Variants in CTNNA2 observed in about 807,000 individuals in gnomAD.
CTNNA2 encodes catenin alpha 2.
Under a neutral mutation model 101.0 loss-of-function variants are expected in CTNNA2, and 42 were observed. That is an observed-to-expected ratio of 0.42 (90% CI 0.32 to 0.54). CTNNA2 has a LOEUF of 0.54. Ranked by LOEUF, CTNNA2 falls within the 20% of genes least tolerant of loss-of-function variation. The probability of loss-of-function intolerance (pLI) is 0.14; values close to 1 mark genes in which losing one functional copy is unlikely to be tolerated. For missense variants in CTNNA2, 871 were observed against 1,223.1 expected (o/e 0.71, Z 4.29); for synonymous variants, 450 against 456.4 (o/e 0.99, Z 0.18).
chr2:79,260,729 C>T (rs929598957), intron 2 of CTNNA2, among the ~76,000 whole-genome samples: 2 of 152,148 alleles, frequency 1.3e-5, no homozygotes, highest in Admixed American at 6.5e-5. Flanking sequence ...TTCATCATGG[C>T]TTACACTAAT....
chr2:79,504,732 G>A (rs1230452239), intron 4 of CTNNA2, among the ~76,000 whole-genome samples: 1 of 152,150 alleles, frequency 6.6e-6, no homozygotes. Flanking sequence ...ATAAAGAGTG[G>A]ATGCATCTTG....
chr2:79,546,563 C>A (rs992851704), intron 1 of CTNNA2, among the ~76,000 whole-genome samples: 7 of 151,982 alleles, frequency 4.6e-5, no homozygotes, highest in African/African-American at 1.5e-4. Flanking sequence ...TAATTCTTTC[C>A]AATATGCAAA....
At chr2:79,994,598 AAAT>A in intron 7 of CTNNA2, among the ~76,000 whole-genome samples, 1 of 151,854 alleles carries the variant, frequency 6.6e-6, no homozygotes, top group African/African-American at 2.4e-5. Context: ...GGAAAAAAAA[AAAT>A]TTGAAGTCTA....
At chr2:79,398,160 A>T (rs573878348) in intron 4 of CTNNA2, among the ~76,000 whole-genome samples, 2 of 152,240 alleles carry the variant, frequency 1.3e-5, no homozygotes, top group South Asian at 4.1e-4. Flanking sequence ...GAAGAGTAAA[A>T]CTGTACTGCA....
chr2:80,030,450 G>A (rs929378046), intron 7 of CTNNA2: 3 of 152,016 alleles, frequency 2.0e-5, no homozygotes, highest in Non-Finnish European at 4.4e-5. Context: ...CAAGCACCTC[G>A]ACAAGATTTT....
chr2:80,403,731 T>A (rs1678794301), intron 8 of CTNNA2, among the ~76,000 whole-genome samples: 1 of 152,198 alleles, frequency 6.6e-6, no homozygotes, highest in Non-Finnish European at 1.5e-5. Context: ...AGTATGATAT[T>A]GGCTGTGGGT....
intron 7 of CTNNA2, among the ~76,000 whole-genome samples, chr2:80,210,262 G>A (rs1393164803): frequency 3.9e-5 from 6 of 152,102 alleles, no homozygotes; most frequent in African/African-American, 1.4e-4. Flanking sequence ...AGTGCACAAC[G>A]TGCAGGTTTG....
intron 18 of CTNNA2, among the ~76,000 whole-genome samples, chr2:80,645,348 C>T (rs915612209): frequency 2.6e-5 from 4 of 152,016 alleles, no homozygotes; most frequent in Admixed American, 6.6e-5. Context: ...TCATTATTTA[C>T]ACTTCTACCT....
chr2:80,410,892 TAAG>T (rs775239136), intron 8 of CTNNA2, among the ~76,000 whole-genome samples: 1 of 152,204 alleles, frequency 6.6e-6, no homozygotes, highest in African/African-American at 2.4e-5. Flanking sequence ...AAGATGTATT[TAAG>T]AAGAAGTTTT....
At chr2:80,076,160 T>C (rs1057087226) in intron 7 of CTNNA2, among the ~76,000 whole-genome samples, 2 of 152,186 alleles carry the variant, frequency 1.3e-5, no homozygotes, top group South Asian at 2.1e-4. Flanking sequence ...CAAGTATTCA[T>C]TGAAGGCCTC....
intron 7 of CTNNA2, among the ~76,000 whole-genome samples, chr2:79,948,255 T>G (rs1688637327): frequency 1.3e-5 from 2 of 152,232 alleles, no homozygotes; most frequent in Non-Finnish European, 2.9e-5. Flanking sequence ...ATGCTCACAG[T>G]ACATCCATGG....
intron 14 of CTNNA2, among the ~76,000 whole-genome samples, chr2:80,584,207 C>G (rs1695777994): frequency 6.6e-6 from 1 of 152,218 alleles, no homozygotes; most frequent in East Asian, 1.9e-4. Flanking sequence ...TTCCCTGCAG[C>G]AAGTCCTCCC....
intron 4 of CTNNA2, among the ~76,000 whole-genome samples, chr2:79,499,768 G>A (rs79977066): frequency 0.03 from 4,555 of 152,204 alleles, 175 homozygotes; most frequent in East Asian, 0.097. Flanking sequence ...GCTCCTACAT[G>A]GAGCCTTGCA....
chr2:80,178,857 G>T (rs113850838), intron 7 of CTNNA2, among the ~76,000 whole-genome samples: 103 of 152,242 alleles, frequency 6.8e-4, no homozygotes, highest in African/African-American at 2.4e-3. Flanking sequence ...GAAGGTCCCT[G>T]AATTTTAGTT....
chr2:80,560,614 T>C (rs1026722239), intron 12 of CTNNA2, among the ~76,000 whole-genome samples: 2 of 152,182 alleles, frequency 1.3e-5, no homozygotes, highest in African/African-American at 4.8e-5. Context: ...GGGCCTTCAT[T>C]ATTCTCCAGG....
intron 7 of CTNNA2, among the ~76,000 whole-genome samples, chr2:80,016,530 G>A (rs1694162690): frequency 6.6e-6 from 1 of 152,166 alleles, no homozygotes; most frequent in African/African-American, 2.4e-5. Context: ...AACTATTTCA[G>A]GAAATCAGTC....
chr2:80,355,405 G>T (rs1456102841), intron 7 of CTNNA2, among the ~76,000 whole-genome samples: 1 of 152,100 alleles, frequency 6.6e-6, no homozygotes, highest in Non-Finnish European at 1.5e-5. Context: ...CATAATGTCT[G>T]GAGGCTCAGC....
intron 12 of CTNNA2, among the ~76,000 whole-genome samples, chr2:80,569,372 C>A (rs1314912300): frequency 6.6e-6 from 1 of 152,112 alleles, no homozygotes; most frequent in African/African-American, 2.4e-5. Flanking sequence ...TTTGATCACC[C>A]TTTCAGACAT....
At chr2:79,691,908 A>C (rs2104704603) in intron 2 of CTNNA2, among the ~76,000 whole-genome samples, 1 of 152,280 alleles carries the variant, frequency 6.6e-6, no homozygotes, top group East Asian at 1.9e-4. Context: ...AAGACCTAAA[A>C]CCATAAAAAC....
Sources: gnomAD v4.1 joint callset for allele counts (sites outside exome capture counted in the v4.1 genomes callset) on GRCh38, gnomAD v4.1.1 for gene constraint, MANE v1.5 for transcripts, NCBI Gene and HGNC (gene_info 2026-07-23, HGNC 2026-07-21) for gene names.